The following RNGTT variants were observed in gnomAD, a reference collection of about 807,000 sequenced individuals.
RNGTT encodes the protein RNA guanylyltransferase and 5'-phosphatase, also known as mRNA-capping enzyme.
In RNGTT, 33 loss-of-function variants were observed where a neutral mutation model predicts 79.3. The observed-to-expected ratio is 0.42, with a 90% CI of 0.32 to 0.56. The LOEUF is 0.56. Ranked by LOEUF, RNGTT falls within the 20% of genes least tolerant of loss-of-function variation. The probability of loss-of-function intolerance (pLI) is 0.17; values close to 1 mark genes in which losing one functional copy is unlikely to be tolerated. For synonymous variants in RNGTT, 222 were observed against 235.9 expected (o/e 0.94, Z 0.54); for missense variants, 497 against 739.1 (o/e 0.67, Z 3.80).
chr6:88,769,906 C>T (rs1346086441), intron 12 of RNGTT, 32 bp from the exon 13 acceptor site: 2 of 1,453,568 alleles, frequency 1.4e-6, no homozygotes, highest in Admixed American at 1.8e-5. Context: ...ACAATCGTTA[C>T]TAAGAAGTTA....
chr6:88,664,981 G>A (rs1230029817), intron 14 of RNGTT, among the ~76,000 whole-genome samples: 5 of 152,166 alleles, frequency 3.3e-5, no homozygotes, highest in African/African-American at 1.2e-4. Context: ...GGACCTGCTC[G>A]GTGGGGGGAC....
At chr6:88,692,637 A>T (rs1232800639) in intron 13 of RNGTT, among the ~76,000 whole-genome samples, 1 of 152,112 alleles carries the variant, frequency 6.6e-6, no homozygotes, top group African/African-American at 2.4e-5. Flanking sequence ...AAAGGGAAGA[A>T]GGAAAAGAGG....
intron 12 of RNGTT, among the ~76,000 whole-genome samples, chr6:88,770,548 G>A (rs979275120): frequency 6.6e-6 from 1 of 152,146 alleles, no homozygotes; most frequent in Admixed American, 6.5e-5. Flanking sequence ...ACATTTACAA[G>A]GTGATGGATA....
At chr6:88,689,549 G>A (rs145310981) in intron 13 of RNGTT, among the ~76,000 whole-genome samples, 27 of 149,220 alleles carry the variant, frequency 1.8e-4, no homozygotes, top group East Asian at 5.9e-4. Flanking sequence ...AGCCGAGATC[G>A]CGCCATTGCA....
chr6:88,849,951 A>T, intron 9 of RNGTT, 125 bp from the exon 10 acceptor site: 1 of 900,194 alleles, frequency 1.1e-6, no homozygotes, highest in Non-Finnish European at 1.5e-6. Context: ...GAAATTTCAA[A>T]GTGAACACAC....
intron 12 of RNGTT, among the ~76,000 whole-genome samples, chr6:88,781,043 G>A (rs1208719163): frequency 1.3e-5 from 2 of 152,152 alleles, no homozygotes; most frequent in Non-Finnish European, 2.9e-5. Context: ...AAAGCACAGG[G>A]CAGCTGCCCA....
intron 11 of RNGTT, among the ~76,000 whole-genome samples, chr6:88,826,346 TAG>T (rs1224533596): frequency 6.6e-6 from 1 of 152,234 alleles, no homozygotes; most frequent in Non-Finnish European, 1.5e-5. Flanking sequence ...ACTCATGCCT[TAG>T]AGAAGTTAAC....
intron 8 of RNGTT, among the ~76,000 whole-genome samples, chr6:88,859,158 G>A (rs1781928544): frequency 6.6e-6 from 1 of 151,506 alleles, no homozygotes; most frequent in African/African-American, 2.4e-5. Context: ...TACTCAGTCT[G>A]AAAATCTGTT....
At chr6:88,736,537 T>C (rs1777291582) in intron 13 of RNGTT, among the ~76,000 whole-genome samples, 1 of 152,138 alleles carries the variant, frequency 6.6e-6, no homozygotes, top group African/African-American at 2.4e-5. Context: ...AACAAAGTAT[T>C]AAAAGAGAAG....
At chr6:88,713,577 T>C (rs1456934761) in intron 13 of RNGTT, among the ~76,000 whole-genome samples, 1 of 152,202 alleles carries the variant, frequency 6.6e-6, no homozygotes, top group Non-Finnish European at 1.5e-5. Context: ...TTATATTGTG[T>C]ATGTATATAT....
At chr6:88,941,587 G>C (rs938769458) in intron 1 of RNGTT, among the ~76,000 whole-genome samples, 1 of 151,868 alleles carries the variant, frequency 6.6e-6, no homozygotes, top group Non-Finnish European at 1.5e-5. Flanking sequence ...ATTTTAAATG[G>C]AAAAGCAATC....
intron 13 of RNGTT, among the ~76,000 whole-genome samples, chr6:88,728,052 C>G (rs1007670528): frequency 6.6e-6 from 1 of 152,090 alleles, no homozygotes; most frequent in Non-Finnish European, 1.5e-5. Context: ...TCATCACACC[C>G]GAGTCAAGAA....
intron 11 of RNGTT, among the ~76,000 whole-genome samples, chr6:88,816,238 A>G (rs959665571): frequency 3.9e-5 from 6 of 152,188 alleles, no homozygotes; most frequent in African/African-American, 1.4e-4. Context: ...TTAGGCTCCA[A>G]TGTCAAAATT....
At chr6:88,937,831 T>C (rs1784715920) in intron 2 of RNGTT, among the ~76,000 whole-genome samples, 1 of 152,244 alleles carries the variant, frequency 6.6e-6, no homozygotes, top group Non-Finnish European at 1.5e-5. Context: ...AATTTCCATG[T>C]ATTTGTACAA....
chr6:88,657,642 A>G (rs1409206873), intron 14 of RNGTT, among the ~76,000 whole-genome samples: 1 of 152,132 alleles, frequency 6.6e-6, no homozygotes, highest in African/African-American at 2.4e-5. Context: ...TTGCTTTCTC[A>G]GTGGAGAGAC....
In RNGTT at chr6:88,612,893, A is replaced by T; in HGVS notation, c.1631-11T>A. ...TGCTGTTACACACAGCTGTGGACAA[A>T]GGGAGACAGGTCTCATGTGAGGGTT... On this transcript the variant is annotated splice_polypyrimidine_tract_variant and intron_variant, in intron 15 of 15. Coordinates refer to ENST00000369485, the MANE Select transcript of RNGTT (RefSeq NM_003800.5). The T allele has an allele frequency of 6.2e-7, 1 of 1,611,676 alleles. No individual in the cohort carries two copies. Among genetic ancestry groups the T allele is most frequent in the South Asian group, 1.1e-5 (1 of 90,864 alleles).
At chr6:88,755,489 T>A (rs531482056) in intron 13 of RNGTT, among the ~76,000 whole-genome samples, 7 of 151,878 alleles carry the variant, frequency 4.6e-5, no homozygotes, top group Non-Finnish European at 1.0e-4. Flanking sequence ...AACTACTAAG[T>A]TTTTTCAGTA....
chr6:88,678,461 T>A, intron 13 of RNGTT, 42 bp from the exon 14 acceptor site: 1 of 1,289,344 alleles, frequency 7.8e-7, no homozygotes, highest in Non-Finnish European at 1.0e-6. Context: ...TACTCCTTCT[T>A]ATAAATAAGG....
At chr6:88,665,378 G>C (rs895497888) in intron 14 of RNGTT, among the ~76,000 whole-genome samples, 1 of 152,132 alleles carries the variant, frequency 6.6e-6, no homozygotes, top group Admixed American at 6.5e-5. Context: ...TTAAGCACCT[G>C]AGGACTTTTG....
Sources: allele counts gnomAD v4.1 joint callset (sites outside exome capture counted in the v4.1 genomes callset), GRCh38; gene constraint gnomAD v4.1.1; transcripts MANE v1.5; gene names NCBI Gene and HGNC (gene_info 2026-07-23, HGNC 2026-07-21).